Variants in DMD observed in about 807,000 individuals in gnomAD.
DMD encodes the protein dystrophin.
In DMD, 63 loss-of-function variants were observed where a neutral mutation model predicts 330.1. The ratio of observed to expected loss-of-function variants is 0.19; its 90% CI spans 0.16 to 0.24. DMD has a LOEUF of 0.24. Ranked by LOEUF, DMD falls within the 10% of genes least tolerant of loss-of-function variation. The pLI is 1.00. For synonymous variants in DMD, 1,223 were observed against 959.8 expected (o/e 1.27, Z -5.07); for missense variants, 3,344 against 2,684.1 (o/e 1.25, Z -5.43).
At chrX:32,377,339 T>C (rs1304979772) in intron 34 of DMD, among the ~76,000 whole-genome samples, 2 of 111,861 alleles carry the variant, frequency 1.8e-5, no homozygotes, top group Non-Finnish European at 3.8e-5. Flanking sequence ...CCCAACTGTG[T>C]TTTCAAATAA....
intron 30 of DMD, among the ~76,000 whole-genome samples, chrX:32,399,691 T>G (rs1439687053): frequency 9.0e-6 from 1 of 111,447 alleles, no homozygotes; most frequent in Non-Finnish European, 1.9e-5. Context: ...CAAAAAACTG[T>G]AAACAGAGCT....
intron 62 of DMD, 121 bp downstream of exon 62, chrX:31,323,477 A>G: frequency 1.6e-6 from 1 of 613,389 alleles, no homozygotes; most frequent in Non-Finnish European, 2.6e-6. Flanking sequence ...CTTCCTCAGG[A>G]AAAAAAAGAC....
At chrX:31,436,048 T>C (rs73212356) in intron 60 of DMD, among the ~76,000 whole-genome samples, 9,581 of 111,630 alleles carry the variant, frequency 0.086, 343 homozygotes, top group East Asian at 0.24. Flanking sequence ...TACATGTTTC[T>C]AGTAAGGAAC....
At chrX:31,311,197 AG>A (rs1400168087) in intron 62 of DMD, among the ~76,000 whole-genome samples, 1 of 110,035 alleles carries the variant, frequency 9.1e-6, no homozygotes, top group African/African-American at 3.3e-5. Context: ...TGCCTAGTAA[AG>A]CTAGAACCAT....
chrX:32,608,265 A>G (rs1251001495), intron 12 of DMD, among the ~76,000 whole-genome samples: 2 of 110,478 alleles, frequency 1.8e-5, no homozygotes, highest in Admixed American at 9.7e-5. Flanking sequence ...GATGCTTGTT[A>G]ATAGAATTCT....
chrX:32,231,340 C>T (rs960208558), intron 43 of DMD, among the ~76,000 whole-genome samples: 1 of 111,778 alleles, frequency 8.9e-6, no homozygotes, highest in African/African-American at 3.3e-5. Context: ...ATACGAATTC[C>T]AAATATGCGG....
chrX:32,714,148 G>T (rs1431965422), intron 7 of DMD, among the ~76,000 whole-genome samples: 2 of 111,468 alleles, frequency 1.8e-5, no homozygotes, highest in Admixed American at 9.6e-5. Flanking sequence ...TTAAGTCAGG[G>T]ACCATCTAGA....
At chrX:32,705,037 T>C (rs1335689329) in intron 7 of DMD, among the ~76,000 whole-genome samples, 2 of 111,471 alleles carry the variant, frequency 1.8e-5, no homozygotes, top group African/African-American at 3.3e-5. Flanking sequence ...CATTAAAGCA[T>C]GATATTGTTA....
Position 32,809,621 on chromosome X carries a change from A to G in DMD, c.531-10T>C, listed in dbSNP as rs747522183. On this transcript the variant is annotated splice_polypyrimidine_tract_variant and intron_variant, in intron 6 of 78. Coordinates refer to ENST00000357033, the MANE Select transcript of DMD (RefSeq NM_004006.3). ...GTCAAATAGGTCTGGCCTAAAACAC[A>G]TACACATACACACATACACAAAGAC... The G allele has an allele frequency of 3.5e-6, 4 of 1,140,428 alleles. No homozygotes were observed. In the Admixed American group the frequency reaches 8.7e-5, roughly 25 times the overall value. The allele number at this position is 1,140,428 out of a possible 1,213,427, so 94.0% of individuals were successfully genotyped here. A position where few individuals can be genotyped will look rare whatever the true frequency, so the allele number is the denominator to read the frequency against.
In DMD at chrX:32,533,543, C is replaced by T. The variant is rs762465648; in HGVS notation, c.2168+11616G>A. On this transcript the variant is annotated intron_variant, in intron 17 of 78. Coordinates refer to ENST00000357033, the MANE Select transcript of DMD (RefSeq NM_004006.3). ...CTCAAGCAGGAAGTGAACTTTTCTTCCTTAAAACTTTTCTAACATTTTATT... is the reference window on the plus strand; with the variant it reads ...CTCAAGCAGGAAGTGAACTTTTCTTTCTTAAAACTTTTCTAACATTTTATT... Among the ~76,000 whole-genome samples, 6 of 111,899 alleles carry T rather than the reference C, an allele frequency of 5.4e-5. No homozygotes were observed. In the East Asian group the frequency reaches 1.7e-3, roughly 32 times the overall value.
chrX:31,441,134 G>T (rs1054711623), intron 60 of DMD, among the ~76,000 whole-genome samples: 1 of 112,217 alleles, frequency 8.9e-6, no homozygotes, highest in African/African-American at 3.2e-5. Flanking sequence ...CCAAATTTAA[G>T]ACTCTTCTTC....
intron 1 of DMD, among the ~76,000 whole-genome samples, chrX:33,085,196 A>C (rs2094986942): frequency 8.9e-6 from 1 of 111,864 alleles, no homozygotes; most frequent in Non-Finnish European, 1.9e-5. Context: ...TGAAAAATGG[A>C]ATATGGCCTG....
chrX:33,176,840 G>A (rs1011914920), intron 1 of DMD, among the ~76,000 whole-genome samples: 92 of 111,480 alleles, frequency 8.3e-4, no homozygotes, highest in African/African-American at 2.7e-3. Context: ...GGGAGGCTGA[G>A]GCAGGACAAT....
At chrX:31,244,365 A>G (rs1480615383) in intron 63 of DMD, among the ~76,000 whole-genome samples, 1 of 112,055 alleles carries the variant, frequency 8.9e-6, no homozygotes, top group East Asian at 2.8e-4. Context: ...CTTTCTGATA[A>G]CTGACTGTCT....
intron 45 of DMD, among the ~76,000 whole-genome samples, chrX:31,962,965 A>T (rs2095320150): frequency 8.9e-6 from 1 of 112,243 alleles, no homozygotes; most frequent in Non-Finnish European, 1.9e-5. Context: ...AGTCATTAAA[A>T]TATTCGCTTT....
chrX:31,243,701 G>A (rs746463772), intron 63 of DMD, among the ~76,000 whole-genome samples: 1 of 112,660 alleles, frequency 8.9e-6, no homozygotes, highest in Admixed American at 9.4e-5. Context: ...GGTTAGATTG[G>A]CACTTTGAAG....
intron 37 of DMD, among the ~76,000 whole-genome samples, chrX:32,360,305 G>T (rs972495855): frequency 8.9e-6 from 1 of 111,839 alleles, no homozygotes; most frequent in African/African-American, 3.2e-5. Context: ...CTGATGCAAT[G>T]AATATATAAG....
intron 60 of DMD, among the ~76,000 whole-genome samples, chrX:31,404,016 C>CT (rs111860328): frequency 0.046 from 5,060 of 110,331 alleles, 267 homozygotes; most frequent in African/African-American, 0.16. Context: ...GAATTTCTCC[C>CT]TCCCTTCCTA....
intron 13 of DMD, among the ~76,000 whole-genome samples, chrX:32,575,783 A>G (rs770087500): frequency 8.9e-6 from 1 of 112,049 alleles, no homozygotes; most frequent in African/African-American, 3.2e-5. Context: ...CAAAGTCAAA[A>G]TGTGGGAAAT....
Sources: gnomAD v4.1 joint callset for allele counts (sites outside exome capture counted in the v4.1 genomes callset) on GRCh38, gnomAD v4.1.1 for gene constraint, MANE v1.5 for transcripts, NCBI Gene and HGNC (gene_info 2026-07-23, HGNC 2026-07-21) for gene names.